The following GALNT13 variants were observed in gnomAD, a reference collection of about 807,000 sequenced individuals.
GALNT13 encodes the protein UDP-GalNAc:polypeptide N-acetylgalactosaminyltransferase 13.
Under a neutral mutation model 64.2 loss-of-function variants are expected in GALNT13, and 28 were observed. The ratio of observed to expected loss-of-function variants is 0.44; its 90% CI spans 0.32 to 0.60. GALNT13 has a LOEUF of 0.60. Among genes scored for constraint, GALNT13 ranks in the 20% least tolerant of loss-of-function variants. GALNT13 has a pLI of 0.05. For missense variants in GALNT13, 577 were observed against 669.8 expected (o/e 0.86, Z 1.53); for synonymous variants, 214 against 224.6 (o/e 0.95, Z 0.42).
chr2:153,566,313 G>A, the GALNT13 span, among the ~76,000 whole-genome samples: 1 of 144,256 alleles, frequency 6.9e-6, no homozygotes, highest in Non-Finnish European at 1.5e-5. Context: ...GATGTTTGTT[G>A]CATGTTAGAA....
intron 9 of GALNT13, among the ~76,000 whole-genome samples, chr2:154,391,696 C>G (rs1381823613): frequency 6.6e-6 from 1 of 152,138 alleles, no homozygotes; most frequent in Admixed American, 6.5e-5. Flanking sequence ...TGTACTAAAC[C>G]TTTTCCAGGC....
At chr2:153,475,865 C>T in the GALNT13 span, among the ~76,000 whole-genome samples, 1 of 152,208 alleles carries the variant, frequency 6.6e-6, no homozygotes, top group African/African-American at 2.4e-5. Flanking sequence ...GAATCCATTG[C>T]TCTGCTTTGT....
the GALNT13 span, among the ~76,000 whole-genome samples, chr2:153,078,622 C>G: frequency 6.6e-6 from 1 of 151,928 alleles, no homozygotes; most frequent in Non-Finnish European, 1.5e-5. Flanking sequence ...CATTCTTATG[C>G]CTCTGCTTGC....
chr2:153,222,311 G>GGCGGGGGGC, the GALNT13 span, among the ~76,000 whole-genome samples: 2 of 132,672 alleles, frequency 1.5e-5, no homozygotes, highest in African/African-American at 3.0e-5. Context: ...TCTGGCTGGG[G>GGCGGGGGGC]GGGGGGGGGG....
chr2:153,888,932 T>C (rs1687364850), intron 1 of GALNT13, among the ~76,000 whole-genome samples: 1 of 152,044 alleles, frequency 6.6e-6, no homozygotes, highest in East Asian at 1.9e-4. Context: ...CCTTGGAAGT[T>C]AGTAAGTCAC....
chr2:154,115,339 C>CACA (rs1703233790), intron 3 of GALNT13, among the ~76,000 whole-genome samples: 1 of 151,918 alleles, frequency 6.6e-6, no homozygotes, highest in Non-Finnish European at 1.5e-5. Flanking sequence ...TTTTAGGGTA[C>CACA]ATGTGCACAA....
At chr2:153,990,462 A>G (rs554929459) in intron 3 of GALNT13, among the ~76,000 whole-genome samples, 8 of 152,274 alleles carry the variant, frequency 5.3e-5, no homozygotes, top group Non-Finnish European at 1.2e-4. Context: ...GTGAGTAACT[A>G]ATATGCACTT....
the GALNT13 span, among the ~76,000 whole-genome samples, chr2:153,703,881 T>C: frequency 6.6e-6 from 1 of 152,126 alleles, no homozygotes; most frequent in Non-Finnish European, 1.5e-5. Context: ...CTTAATCACT[T>C]TGGTGCAGTT....
chr2:154,370,625 G>A (rs893039802), intron 9 of GALNT13, among the ~76,000 whole-genome samples: 3 of 152,090 alleles, frequency 2.0e-5, no homozygotes, highest in Non-Finnish European at 4.4e-5. Context: ...AAGATTGAAG[G>A]AAGAACATTT....
the GALNT13 span, among the ~76,000 whole-genome samples, chr2:153,532,591 T>C: frequency 6.6e-6 from 1 of 152,230 alleles, no homozygotes; most frequent in African/African-American, 2.4e-5. Flanking sequence ...GGGCTTTTCT[T>C]TTCTACCACA....
the GALNT13 span, among the ~76,000 whole-genome samples, chr2:153,381,529 C>T: frequency 4.0e-5 from 6 of 151,776 alleles, no homozygotes; most frequent in Non-Finnish European, 7.4e-5. Flanking sequence ...ATTTCAGGTA[C>T]CTATATATGT....
chr2:153,268,922 A>G, the GALNT13 span, among the ~76,000 whole-genome samples: 1 of 152,184 alleles, frequency 6.6e-6, no homozygotes, highest in Non-Finnish European at 1.5e-5. Flanking sequence ...GGCTGCACAG[A>G]GCAGCAGGAC....
At chr2:153,076,301 T>C in the GALNT13 span, among the ~76,000 whole-genome samples, 2 of 152,172 alleles carry the variant, frequency 1.3e-5, no homozygotes, top group Non-Finnish European at 2.9e-5. Flanking sequence ...AAACTGTCTT[T>C]CCATTTTTTT....
the GALNT13 span, among the ~76,000 whole-genome samples, chr2:153,728,548 A>C: frequency 1.3e-5 from 2 of 152,328 alleles, no homozygotes; most frequent in African/African-American, 4.8e-5. Flanking sequence ...AGCTAGAAAG[A>C]TCACAAATCG....
intron 3 of GALNT13, among the ~76,000 whole-genome samples, chr2:154,125,034 A>G (rs1387856449): frequency 6.6e-6 from 1 of 152,140 alleles, no homozygotes; most frequent in Non-Finnish European, 1.5e-5. Flanking sequence ...AGCTTGGAAG[A>G]TGAGTGAGCA....
the GALNT13 span, among the ~76,000 whole-genome samples, chr2:153,090,748 G>C: frequency 6.6e-6 from 1 of 152,116 alleles, no homozygotes; most frequent in Non-Finnish European, 1.5e-5. Flanking sequence ...GTGGGGGCAG[G>C]GTTAGGCAAG....
intron 3 of GALNT13, among the ~76,000 whole-genome samples, chr2:154,024,080 G>A (rs2105287330): frequency 6.6e-6 from 1 of 152,292 alleles, no homozygotes; most frequent in South Asian, 2.1e-4. Flanking sequence ...AGTCTGATGG[G>A]CTTCCCTTTG....
chr2:153,224,268 A>C, the GALNT13 span, among the ~76,000 whole-genome samples: 1 of 152,016 alleles, frequency 6.6e-6, no homozygotes, highest in Non-Finnish European at 1.5e-5. Context: ...AACATTGAGG[A>C]CACAAGGACA....
intron 9 of GALNT13, 30 bp downstream of exon 9, chr2:154,301,619 A>C: frequency 7.0e-7 from 1 of 1,427,258 alleles, no homozygotes; most frequent in Non-Finnish European, 9.8e-7. Flanking sequence ...TTCTTTCTCT[A>C]CAGGAGAAAA....
Sources: gnomAD v4.1 joint callset for allele counts (sites outside exome capture counted in the v4.1 genomes callset) on GRCh38, gnomAD v4.1.1 for gene constraint, MANE v1.5 for transcripts, NCBI Gene and HGNC (gene_info 2026-07-23, HGNC 2026-07-21) for gene names.